Variants in C14orf39 observed in about 807,000 individuals in gnomAD.
The protein encoded by C14orf39 is protein SIX6OS1.
In C14orf39, 66 loss-of-function variants were observed where a neutral mutation model predicts 85.6. That is an observed-to-expected ratio of 0.77 (90% confidence interval 0.63 to 0.95). C14orf39 has a LOEUF of 0.95. Among genes scored for constraint, C14orf39 ranks in the 40% least tolerant of loss-of-function variants. C14orf39 has a pLI of 0.00. For missense variants in C14orf39, 735 were observed against 663.9 expected (o/e 1.11, Z -1.18); for synonymous variants, 242 against 214.0 (o/e 1.13, Z -1.14).
chr14:60,468,898 C>A (rs149257228), intron 8 of C14orf39, among the ~76,000 whole-genome samples: 3 of 151,548 alleles, frequency 2.0e-5, no homozygotes, highest in Admixed American at 6.6e-5. Context: ...TTATTTGGTA[C>A]CTCATACTTA....
chr14:60,481,805 C>A (rs912836151), intron 4 of C14orf39, among the ~76,000 whole-genome samples: 1 of 151,930 alleles, frequency 6.6e-6, no homozygotes, highest in African/African-American at 2.4e-5. Context: ...TCTAATAGGA[C>A]TTTTGCTTTT....
intron 5 of C14orf39, among the ~76,000 whole-genome samples, chr14:60,476,140 A>G (rs901120091): frequency 1.3e-5 from 2 of 152,222 alleles, no homozygotes; most frequent in African/African-American, 4.8e-5. Context: ...CTCTAAACGC[A>G]TATTTGCTAA....
chr14:60,499,948 T>G (rs1377244210), intron 1 of C14orf39, among the ~76,000 whole-genome samples: 1 of 152,204 alleles, frequency 6.6e-6, no homozygotes, highest in African/African-American at 2.4e-5. Context: ...AAATGAGAAA[T>G]TATTTTTCAT....
chr14:60,437,882 T>G (rs1450869134), intron 17 of C14orf39, among the ~76,000 whole-genome samples: 2 of 151,906 alleles, frequency 1.3e-5, no homozygotes, highest in African/African-American at 4.8e-5. Context: ...GTAGCTCTGG[T>G]TGATGAAGCC....
chr14:60,493,508 T>C (rs943606239), intron 2 of C14orf39, among the ~76,000 whole-genome samples: 2 of 152,320 alleles, frequency 1.3e-5, no homozygotes, highest in East Asian at 3.9e-4. Flanking sequence ...TTGGAAACAG[T>C]CACTCTAGGG....
chr14:60,456,922 G>A lies in C14orf39; in HGVS notation c.1353C>T (p.Phe451=), dbSNP rs200992791. ...GTTATTAATTAAAATCCTACATTTC[G>A]AACGGGGGGGTTTTAGGGAATTTTA... ...EKIKFPKTPP[F]EINRNRNAVP... The change falls in exon 15 of 18, where the codon TTC becomes TTT. Residue 451 remains phenylalanine, a synonymous_variant. Transcript: ENST00000321731. 1.4e-5 allele frequency: 22 copies of A among 1,558,486 alleles called. No homozygotes were observed. Among genetic ancestry groups the A allele is most frequent in the African/African-American group, 2.8e-5 (2 of 71,374 alleles).
rs375111181 is a variant in C14orf39 at position 60,461,320 on chromosome 14, G to A, written c.1117+34C>T. The A allele has an allele frequency of 1.0e-4, 163 of 1,568,618 alleles. 1 individual carries two copies. In the African/African-American group the frequency reaches 1.8e-3, roughly 17 times the overall value. ...AAAACCTGATATAATTTGTTACCCC[G>A]ACTTCTTAGAAGAAAAATATAAACG... On this transcript the variant is annotated intron_variant, in intron 13 of 17. Coordinates refer to ENST00000321731, the MANE Select transcript of C14orf39 (RefSeq NM_174978.3).
At chr14:60,485,775 C>A (rs986396119) in intron 1 of C14orf39, among the ~76,000 whole-genome samples, 170 bp downstream of exon 1, 1 of 152,088 alleles carries the variant, frequency 6.6e-6, no homozygotes, top group East Asian at 1.9e-4. Context: ...GCATCCCCCC[C>A]ATCCCCCGCC....
At chr14:60,488,631 G>A (rs1892939845), upstream of C14orf39, among the ~76,000 whole-genome samples, 3 of 152,012 alleles carry the variant, frequency 2.0e-5, no homozygotes, top group Admixed American at 6.6e-5. Context: ...CTAATTGCAC[G>A]GTATTCCTTT....
Position 60,461,050 on chromosome 14 carries a change from T to C in C14orf39, c.1117+304A>G, listed in dbSNP as rs79883845. Among the ~76,000 whole-genome samples, 861 of 151,992 alleles carry C rather than the reference T, an allele frequency of 5.7e-3. 17 individuals carry two copies. Among genetic ancestry groups the C allele is most frequent in the African/African-American group, 0.019 (810 of 41,544 alleles). ...GGAAAAAAGAATAAAAAATTATGTATATGATTCAAACTTGGAGGGAAAAAG... is the reference window on the plus strand; with the variant it reads ...GGAAAAAAGAATAAAAAATTATGTACATGATTCAAACTTGGAGGGAAAAAG... On this transcript the variant is annotated intron_variant, in intron 13 of 17. Coordinates refer to ENST00000321731, the MANE Select transcript of C14orf39 (RefSeq NM_174978.3).
chr14:60,452,140 T>C (rs1412005915), intron 16 of C14orf39, among the ~76,000 whole-genome samples: 2 of 149,084 alleles, frequency 1.3e-5, no homozygotes, highest in South Asian at 2.1e-4. Context: ...TGAGCCGACA[T>C]TGTGCCAACT....
intron 5 of C14orf39, among the ~76,000 whole-genome samples, chr14:60,473,849 TTTG>T (rs1333686556): frequency 1.3e-5 from 2 of 152,164 alleles, no homozygotes; most frequent in Non-Finnish European, 2.9e-5. Context: ...TGCCTCCAGC[TTTG>T]TTCTTTTGGC....
chr14:60,487,492 C>CGTGTGTGTGT (rs1308228152), upstream of C14orf39, among the ~76,000 whole-genome samples: 25,299 of 150,088 alleles, frequency 0.17, 2,676 homozygotes, highest in East Asian at 0.53. Flanking sequence ...AATAAAAGTC[C>CGTGTGTGTGT]GTGTGTGTGT....
At chr14:60,514,157 T>C (rs1046895831) in intron 1 of C14orf39, among the ~76,000 whole-genome samples, 1 of 152,212 alleles carries the variant, frequency 6.6e-6, no homozygotes, top group African/African-American at 2.4e-5. Context: ...ATCTTTCCAA[T>C]CTTCCCAAGG....
chr14:60,485,441 G>T (rs1892839118), intron 1 of C14orf39, among the ~76,000 whole-genome samples: 1 of 152,206 alleles, frequency 6.6e-6, no homozygotes, highest in East Asian at 1.9e-4. Flanking sequence ...TAAAGTAAAC[G>T]CTCTGAATAT....
At chr14:60,450,185 C>T (rs904846934) in intron 16 of C14orf39, among the ~76,000 whole-genome samples, 15 of 152,192 alleles carry the variant, frequency 9.9e-5, no homozygotes, top group Admixed American at 9.8e-4. Flanking sequence ...CACTAGGTAC[C>T]AGCTCAGCCA....
intron 17 of C14orf39, among the ~76,000 whole-genome samples, chr14:60,438,921 G>C (rs1331027623): frequency 5.3e-5 from 8 of 152,120 alleles, no homozygotes; most frequent in Non-Finnish European, 8.8e-5. Context: ...GATGAATAGA[G>C]ACTGGTTAAT....
intron 7 of C14orf39, 82 bp downstream of exon 7, chr14:60,471,335 A>T: frequency 1.8e-6 from 2 of 1,083,616 alleles, no homozygotes; most frequent in Non-Finnish European, 1.3e-6. Flanking sequence ...TGTTATTCTC[A>T]CAAAGGAAAC....
chr14:60,455,771 T>C (rs1891245655), intron 15 of C14orf39, among the ~76,000 whole-genome samples: 1 of 152,108 alleles, frequency 6.6e-6, no homozygotes, highest in Non-Finnish European at 1.5e-5. Flanking sequence ...AAAATAAGGA[T>C]AATAATGTAC....
Sources: allele counts gnomAD v4.1 joint callset (sites outside exome capture counted in the v4.1 genomes callset), GRCh38; gene constraint gnomAD v4.1.1; transcripts MANE v1.5; gene names NCBI Gene and HGNC (gene_info 2026-07-23, HGNC 2026-07-21).